The following ALDH1A3 variants were observed in gnomAD, a reference collection of about 807,000 sequenced individuals.
ALDH1A3 encodes aldehyde dehydrogenase 1 family member A3, also known as retinaldehyde dehydrogenase 3.
ALDH1A3 carries 28 observed loss-of-function variants against 57.5 expected under a neutral mutation model. That is an observed-to-expected ratio of 0.49 (90% CI 0.36 to 0.67). The LOEUF (loss-of-function observed/expected upper bound fraction) is 0.67, where lower values mean the gene tolerates loss of function less well. Among genes scored for constraint, ALDH1A3 ranks in the 30% least tolerant of loss-of-function variants. The pLI is 0.00. For synonymous variants in ALDH1A3, 281 were observed against 264.8 expected, an observed-to-expected ratio of 1.06 and a Z score of -0.59; for missense variants, 507 against 669.4, an observed-to-expected ratio of 0.76 and a Z score of 2.68.
chr15:100,914,627 A>G, intron 12 of ALDH1A3, 74 bp from the exon 13 acceptor site: 1 of 1,412,198 alleles, frequency 7.1e-7, no homozygotes, highest in Non-Finnish European at 9.8e-7. Context: ...GGAATGATGA[A>G]GCCTCAGAAC....
At position 100,894,149 on chromosome 15, in the gene ALDH1A3, C is replaced by T; in HGVS notation, c.666+67C>T. 1.3e-6 allele frequency: 2 copies of T among 1,577,886 alleles called. No individual in the cohort carries two copies. Among genetic ancestry groups the T allele is most frequent in the Non-Finnish European group, 1.7e-6 (2 of 1,159,160 alleles). On this transcript the variant is annotated intron_variant, in intron 6 of 12. Coordinates refer to ENST00000329841, the MANE Select transcript of ALDH1A3 (RefSeq NM_000693.4). This position sits in a 1 kb window ranked among gnomAD's most constrained non-coding sequence, Gnocchi z 4.5. ...ATTCCCACTCCTAGGAACCAGGCCA[C>T]CGTCACGAGATGGGACAGTGGCAGA...
chr15:100,880,485 G>A (rs1295971685), intron 1 of ALDH1A3: 2 of 334,698 alleles, frequency 6.0e-6, no homozygotes, highest in Non-Finnish European at 1.1e-5. Flanking sequence ...CGGAGCTGCA[G>A]TTGGAAGACT....
rs1033739683 is a variant in ALDH1A3 at position 100,905,660 on chromosome 15, A to G, written c.1206A>G (p.Thr402=). ...AACCCACTGTCTTCTCAGAAGTCAC[A>G]GACAACATGCGGATTGCCAAAGAGG... The part of the protein sequence containing the change: ...FIKPTVFSEV[T]DNMRIAKEEI... The change falls in exon 10 of 13, where the codon ACA becomes ACG. Residue 402 remains threonine, a synonymous_variant. Coordinates refer to ENST00000329841, the MANE Select transcript of ALDH1A3 (RefSeq NM_000693.4). 6.2e-7 allele frequency: 1 copy of G among 1,600,616 alleles called. No individual in the cohort carries two copies. The highest frequency in any genetic ancestry group is 1.3e-5 in the African/African-American group (1 of 74,418).
chr15:100,905,325 C>T (rs926317400), intron 9 of ALDH1A3, among the ~76,000 whole-genome samples, 198 bp from the exon 10 acceptor site: 3 of 152,222 alleles, frequency 2.0e-5, no homozygotes, highest in Admixed American at 2.0e-4. Context: ...ATCTCCCCAT[C>T]TCTCCCCTGC....
At chr15:100,880,867 G>C (rs890494018) in intron 1 of ALDH1A3, 8 of 152,366 alleles carry the variant, frequency 5.3e-5, no homozygotes, top group African/African-American at 9.6e-5. Context: ...ACCCGGGTCC[G>C]GGAGCGCGAC....
At chr15:100,892,313 A>T (rs2041658292) in intron 3 of ALDH1A3, 197 bp from the exon 4 acceptor site, 1 of 676,270 alleles carries the variant, frequency 1.5e-6, no homozygotes, top group South Asian at 2.3e-5. Context: ...GTTTTGAAAT[A>T]AAAGCAATCC....
intron 12 of ALDH1A3, among the ~76,000 whole-genome samples, chr15:100,909,292 A>G (rs1470911404): frequency 8.2e-6 from 1 of 122,114 alleles, no homozygotes; most frequent in Non-Finnish European, 1.7e-5. Context: ...ATGTGTGTGC[A>G]AACTCCTCAG....
chr15:100,893,990 G>A lies in ALDH1A3; in HGVS notation c.574G>A (p.Ala192Thr). ...FPLLMLVWKLAPALCCGNTMV... is the reference protein window; with the variant it reads ...FPLLMLVWKLTPALCCGNTMV... ...CCTGCTGATGCTGGTGTGGAAGCTG[G>A]CACCCGCCCTCTGCTGTGGGAACAC... Residue 192 changes from alanine (A) to threonine (T), a missense_variant, in exon 6 of 13, where the codon GCA becomes ACA. Transcript: ENST00000329841. The surrounding 1 kb of genome is among the most constrained non-coding windows in gnomAD (Gnocchi z 4.8). 6 of 1,614,178 alleles carry A rather than the reference G, an allele frequency of 3.7e-6. No homozygotes were observed. Among genetic ancestry groups the A allele is most frequent in the Non-Finnish European group, 5.1e-6 (6 of 1,180,028 alleles).
chr15:100,890,046 GC>G (rs1197747743), intron 3 of ALDH1A3, among the ~76,000 whole-genome samples: 4 of 152,302 alleles, frequency 2.6e-5, no homozygotes, highest in Middle Eastern at 3.4e-3. Context: ...GGATCCAGCG[GC>G]CCCTGGATGG....
rs896378884 is a variant in ALDH1A3 at position 100,887,099 on chromosome 15, G to A, written c.205-473G>A. Among the ~76,000 whole-genome samples, 1 of 152,150 alleles carries A rather than the reference G, an allele frequency of 6.6e-6. No individual in the cohort carries two copies. The highest frequency in any genetic ancestry group is 1.5e-5 in the Non-Finnish European group (1 of 68,028). ...AATCAGAAACAAACATTGGTATTTGGCCACTGTAGAAATATTAAGATGTAA... is the reference window on the plus strand; with the variant it reads ...AATCAGAAACAAACATTGGTATTTGACCACTGTAGAAATATTAAGATGTAA... On this transcript the variant is annotated intron_variant, in intron 2 of 12. Coordinates refer to ENST00000329841, the MANE Select transcript of ALDH1A3 (RefSeq NM_000693.4). This position sits in a 1 kb window ranked among gnomAD's most constrained non-coding sequence, Gnocchi z 4.6.
intron 3 of ALDH1A3, among the ~76,000 whole-genome samples, chr15:100,891,658 C>A (rs939646723): frequency 5.3e-5 from 8 of 152,226 alleles, no homozygotes; most frequent in African/African-American, 1.9e-4. Context: ...CTTTTTCAAT[C>A]ACCATCTCAC....
intron 2 of ALDH1A3, among the ~76,000 whole-genome samples, chr15:100,886,474 C>T (rs1203628784): frequency 6.6e-6 from 1 of 152,178 alleles, no homozygotes; most frequent in East Asian, 1.9e-4. Context: ...AGGTCCTGGC[C>T]TCCACCCCAG....
chr15:100,915,015 C>T lies in ALDH1A3; in HGVS notation c.*242C>T, dbSNP rs2041917426. 3 of 523,088 alleles carry T rather than the reference C, an allele frequency of 5.7e-6. No homozygotes were observed. In the South Asian group the frequency reaches 6.8e-5, roughly 12 times the overall value. 32.4% of individuals were successfully genotyped at this position (523,088 alleles called of 1,614,324 possible). The stretch of plus-strand genomic sequence containing the variant: ...CTGGGGAGGGAGCTGTTGGCCATTT[C>T]TGTGTTTCCCTTTAAACCAGATCCT... On this transcript the variant is annotated 3_prime_UTR_variant, in exon 13 of 13. Coordinates refer to ENST00000329841, the MANE Select transcript of ALDH1A3 (RefSeq NM_000693.4).
At chr15:100,896,150 A>G (rs1218742394) in intron 7 of ALDH1A3, 104 bp downstream of exon 7, 3 of 973,646 alleles carry the variant, frequency 3.1e-6, no homozygotes, top group East Asian at 5.3e-5. Context: ...TTTTCTTCTA[A>G]ATTTGACCAT....
In ALDH1A3 at chr15:100,902,945, C is replaced by T. The variant is rs9920154; in HGVS notation, c.1068+2186C>T. Among the ~76,000 whole-genome samples the T allele has an allele frequency of 2.9e-3, 445 of 152,310 alleles. 4 individuals are homozygous for T. Among genetic ancestry groups the T allele is most frequent in the African/African-American group, 9.9e-3 (410 of 41,572 alleles). ...CGAAGCCCCTGTGTCCCTTTTGGCC[C>T]CTCAGGGAGGGGAAGAGCAGCTCAG... is the stretch of plus-strand genomic sequence containing the variant. On this transcript the variant is annotated intron_variant, in intron 9 of 12. Transcript: ENST00000329841.
chr15:100,892,692 T>C, intron 4 of ALDH1A3, 53 bp downstream of exon 4: 1 of 1,560,216 alleles, frequency 6.4e-7, no homozygotes, highest in Non-Finnish European at 8.6e-7. Flanking sequence ...GCTATATCTT[T>C]TCATTAATCC....
intron 10 of ALDH1A3, 38 bp from the exon 11 acceptor site, chr15:100,907,083 G>A: frequency 6.2e-7 from 1 of 1,605,210 alleles, no homozygotes; most frequent in Non-Finnish European, 8.5e-7. Context: ...TTTCCATTCA[G>A]TCATGCCTCT....
intron 9 of ALDH1A3, 122 bp from the exon 10 acceptor site, chr15:100,905,401 C>A: frequency 1.6e-6 from 2 of 1,249,888 alleles, no homozygotes; most frequent in Non-Finnish European, 1.1e-6. Flanking sequence ...TTACATGGAT[C>A]ATGGCTTGAC....
At chr15:100,891,325 T>G (rs2041647228) in intron 3 of ALDH1A3, among the ~76,000 whole-genome samples, 1 of 152,194 alleles carries the variant, frequency 6.6e-6, no homozygotes, top group African/African-American at 2.4e-5. Context: ...TCAGCAGATG[T>G]AGTTGCCTCC....
Sources: allele counts gnomAD v4.1 joint callset (sites outside exome capture counted in the v4.1 genomes callset), GRCh38; gene constraint gnomAD v4.1.1; non-coding constraint Gnocchi (gnomAD v3.1); transcripts MANE v1.5; gene names NCBI Gene and HGNC (gene_info 2026-07-23, HGNC 2026-07-21).